Variants in INHBC observed in about 807,000 individuals in gnomAD.
The protein encoded by INHBC is inhibin subunit beta C, also known as inhibin beta C chain.
In INHBC, 10 loss-of-function variants were observed where a neutral mutation model predicts 12.4. The ratio of observed to expected loss-of-function variants is 0.81; its 90% CI spans 0.50 to 1.37. The LOEUF is 1.37. INHBC is among the 40% of genes most tolerant of loss of function. The pLI is 0.00. For missense variants in INHBC, 382 were observed against 439.4 expected (o/e 0.87, Z 1.17); for synonymous variants, 147 against 171.6 (o/e 0.86, Z 1.12).
Position 57,434,812 on chromosome 12 carries a change from G to T in INHBC, c.-75G>T. On this transcript the variant is annotated 5_prime_UTR_variant, in exon 1 of 2. In the 5' UTR this introduces an upstream ATG that the reference lacks. Transcript: ENST00000309668. ...CTTCTTCCAGGGCCTCTGGCAGCCA[G>T]GACAGAGTTGAGACCACAGCTGTTG... is the stretch of plus-strand genomic sequence containing the variant. The T allele has an allele frequency of 7.1e-7, 1 of 1,401,082 alleles. No homozygotes were observed. The allele number at this position is 1,401,082 out of a possible 1,614,324, so 86.8% of individuals were successfully genotyped here. A position where few individuals can be genotyped will look rare whatever the true frequency, so the allele number is the denominator to read the frequency against.
intron 1 of INHBC, 106 bp from the exon 2 acceptor site, chr12:57,449,170 GC>G: frequency 7.3e-7 from 1 of 1,378,380 alleles, no homozygotes. Flanking sequence ...TTAAACTGTA[GC>G]AAATGCCAAG....
At chr12:57,446,355 A>G (rs952720479) in intron 1 of INHBC, among the ~76,000 whole-genome samples, 4 of 152,024 alleles carry the variant, frequency 2.6e-5, no homozygotes, top group Non-Finnish European at 5.9e-5. Flanking sequence ...GACCAGATAT[A>G]TATATTTGGA....
rs904301767 is a variant in INHBC at position 57,450,066 on chromosome 12, G to A, written c.*44G>A. On this transcript the variant is annotated 3_prime_UTR_variant, in exon 2 of 2. Coordinates refer to ENST00000309668, the MANE Select transcript of INHBC (RefSeq NM_005538.4). Reference sequence around the variant, plus strand: ...AGCCCAAGGTTGCATGGGAAAACACGCCCCTACAGAAGTGCACTTCCTTGA... The same window carrying A: ...AGCCCAAGGTTGCATGGGAAAACACACCCCTACAGAAGTGCACTTCCTTGA... 5.4e-6 allele frequency: 8 copies of A among 1,471,474 alleles called. No individual in the cohort carries two copies. The highest frequency in any genetic ancestry group is 4.2e-5 in the African/African-American group (3 of 71,054). The allele number at this position is 1,471,474 out of a possible 1,614,324, so 91.2% of individuals were successfully genotyped here. A position where few individuals can be genotyped will look rare whatever the true frequency, so the allele number is the denominator to read the frequency against.
intron 1 of INHBC, among the ~76,000 whole-genome samples, chr12:57,447,924 A>ATATAT (rs1566551470): frequency 1.5e-4 from 12 of 81,054 alleles, no homozygotes; most frequent in Admixed American, 3.7e-4. Flanking sequence ...TATATATATA[A>ATATAT]AATATATGTG....
chr12:57,446,680 G>C lies in INHBC; in HGVS notation c.314-2597G>C, dbSNP rs1227791844. Among the ~76,000 whole-genome samples the C allele has an allele frequency of 2.0e-5, 3 of 151,822 alleles. No homozygotes were observed. The East Asian group carries it at 5.8e-4, about 29-fold the overall frequency. ...TGGGTAATTTTGTAATTTTTGTAGAGACAGGGTTTTGCCAAGTTGTCCAGG... is the reference window on the plus strand; with the variant it reads ...TGGGTAATTTTGTAATTTTTGTAGACACAGGGTTTTGCCAAGTTGTCCAGG... On this transcript the variant is annotated intron_variant, in intron 1 of 1. Coordinates refer to ENST00000309668, the MANE Select transcript of INHBC (RefSeq NM_005538.4).
intron 1 of INHBC, among the ~76,000 whole-genome samples, chr12:57,443,789 G>A (rs114939673): frequency 0.012 from 1,809 of 152,046 alleles, 32 homozygotes; most frequent in African/African-American, 0.041. Flanking sequence ...TATTTTGTTT[G>A]TTTGTTTGTT....
At position 57,434,913 on chromosome 12, in the gene INHBC, TCTC is replaced by T; in HGVS notation, c.33_35del (p.Leu12del). ...TGACCTCCTCATTGCTTCTGGCCTT[TCTC>T]CTCCTGGCTCCAACCACAGTGGCCA... On this transcript the variant is annotated inframe_deletion, in exon 1 of 2. Coordinates refer to ENST00000309668, the MANE Select transcript of INHBC (RefSeq NM_005538.4). 6.2e-7 allele frequency: 1 copy of T among 1,613,456 alleles called. No individual in the cohort carries two copies. Among genetic ancestry groups the T allele is most frequent in the Non-Finnish European group, 8.5e-7 (1 of 1,179,534 alleles).
At chr12:57,441,741 G>A (rs979475314) in intron 1 of INHBC, among the ~76,000 whole-genome samples, 1 of 150,730 alleles carries the variant, frequency 6.6e-6, no homozygotes, top group Non-Finnish European at 1.5e-5. Flanking sequence ...GAGTGCAGTG[G>A]CACAGTCTTG....
intron 1 of INHBC, among the ~76,000 whole-genome samples, chr12:57,439,650 T>C (rs1870415287): frequency 6.6e-6 from 1 of 152,190 alleles, no homozygotes; most frequent in South Asian, 2.1e-4. Flanking sequence ...AATTGTAGTC[T>C]ACTCAGTTAC....
intron 1 of INHBC, among the ~76,000 whole-genome samples, chr12:57,438,251 A>ATACCT (rs1221718572): frequency 1.3e-5 from 2 of 152,230 alleles, no homozygotes; most frequent in African/African-American, 4.8e-5. Context: ...ATACAGGTAA[A>ATACCT]GTACTTTGAA....
At chr12:57,449,053 C>T (rs1870647622) in intron 1 of INHBC, among the ~76,000 whole-genome samples, 1 of 152,178 alleles carries the variant, frequency 6.6e-6, no homozygotes, top group Admixed American at 6.5e-5. Context: ...TTAATCCATT[C>T]ATGAAGGTGG....
chr12:57,443,340 A>G (rs1870508860), intron 1 of INHBC, among the ~76,000 whole-genome samples: 1 of 151,530 alleles, frequency 6.6e-6, no homozygotes, highest in African/African-American at 2.4e-5. Flanking sequence ...GCTGGAGTGC[A>G]ATGGCATGAT....
At chr12:57,446,756 G>C (rs1430744129) in intron 1 of INHBC, among the ~76,000 whole-genome samples, 1 of 151,986 alleles carries the variant, frequency 6.6e-6, no homozygotes, top group Non-Finnish European at 1.5e-5. Context: ...ATCCACCTCA[G>C]TCTCCCAAAG....
In INHBC at chr12:57,449,907, C is replaced by G; in HGVS notation, c.944C>G (p.Ser315Ter). Residue 315 changes from serine (S) to a stop codon, truncating the protein, a stop_gained, in exon 2 of 2, where the codon TCA (serine) becomes TGA (stop). Transcript: ENST00000309668. LOFTEE classifies it high-confidence loss of function. Reference protein sequence around the residue: ...NTAAGTTGGGSCCVPTARRPL... With the variant: ...NTAAGTTGGG ...GCTGCAGGCACCACTGGAGGGGGCT[C>G]ATGCTGTGTACCCACGGCCCGGCGC... The G allele has an allele frequency of 6.2e-7, 1 of 1,608,926 alleles. No individual in the cohort carries two copies. The highest frequency in any genetic ancestry group is 8.5e-7 in the Non-Finnish European group (1 of 1,176,948).
chr12:57,447,271 G>T (rs1367755321), intron 1 of INHBC, among the ~76,000 whole-genome samples: 1 of 151,822 alleles, frequency 6.6e-6, no homozygotes, highest in African/African-American at 2.4e-5. Context: ...TGCAACCTCT[G>T]CCTCCCAAGT....
chr12:57,435,312 T>G, intron 1 of INHBC, 113 bp downstream of exon 1: 1 of 994,298 alleles, frequency 1.0e-6, no homozygotes, highest in Non-Finnish European at 1.5e-6. Flanking sequence ...AACCCCTGCT[T>G]CCCACAGGCT....
At chr12:57,437,665 C>T (rs527343547) in intron 1 of INHBC, among the ~76,000 whole-genome samples, 401 of 117,694 alleles carry the variant, frequency 3.4e-3, no homozygotes, top group African/African-American at 0.011. Flanking sequence ...AGTGACACTC[C>T]GTCTCAAAAA....
Position 57,447,622 on chromosome 12 carries a change from C to T in INHBC, c.314-1655C>T, listed in dbSNP as rs1384965410. Among the ~76,000 whole-genome samples, 15 of 149,868 alleles carry T rather than the reference C, an allele frequency of 1.0e-4. No homozygotes were observed. The South Asian group carries it at 1.1e-3, about 11-fold the overall frequency. Reference sequence around the variant, plus strand: ...TATATAGGCCAGGCGCGGTGGCTTACGCCTGTAATCCCAGCGCTTTGGGAG... The same window carrying T: ...TATATAGGCCAGGCGCGGTGGCTTATGCCTGTAATCCCAGCGCTTTGGGAG... On this transcript the variant is annotated intron_variant, in intron 1 of 1. Transcript: ENST00000309668.
intron 1 of INHBC, among the ~76,000 whole-genome samples, chr12:57,447,448 G>A (rs1416261474): frequency 6.6e-6 from 1 of 151,382 alleles, no homozygotes; most frequent in African/African-American, 2.4e-5. Flanking sequence ...GCCTCCCAAA[G>A]TGCTGGGATT....
Sources: allele counts gnomAD v4.1 joint callset (sites outside exome capture counted in the v4.1 genomes callset), GRCh38; gene constraint gnomAD v4.1.1; transcripts MANE v1.5; gene names NCBI Gene and HGNC (gene_info 2026-07-23, HGNC 2026-07-21).